Variants in KIF11 observed in about 807,000 individuals in gnomAD.
KIF11 encodes the protein kinesin family member 11, also known as kinesin-like protein KIF11.
KIF11 carries 9 observed loss-of-function variants against 121.0 expected under a neutral mutation model. The observed-to-expected ratio is 0.07, with a 90% confidence interval of 0.04 to 0.13. The LOEUF is 0.13. Ranked by LOEUF, KIF11 falls within the 10% of genes least tolerant of loss-of-function variation. KIF11 has a pLI of 1.00. For synonymous variants in KIF11, 408 were observed against 421.0 expected, an observed-to-expected ratio of 0.97 and a Z score of 0.38; for missense variants, 846 against 1,217.5, an observed-to-expected ratio of 0.69 and a Z score of 4.54.
chr10:92,632,671 A>T lies in KIF11; in HGVS notation c.1680A>T (p.Leu560=). The change falls in exon 13 of 22, where the codon CTA becomes CTT. Residue 560 remains leucine, a synonymous_variant. Transcript: ENST00000260731. The stretch of plus-strand genomic sequence containing the variant: ...GCAGCTCAAAGCAAAAGGCCATGCT[A>T]GAAGTACATAAGACCTTATTTGGTA... ...KDGSSKQKAM[L]EVHKTLFGNL... is the part of the protein sequence containing the mutation. 3 of 1,609,400 alleles carry T rather than the reference A, an allele frequency of 1.9e-6. No individual in the cohort carries two copies. Among genetic ancestry groups the T allele is most frequent in the Non-Finnish European group, 2.5e-6 (3 of 1,177,082 alleles).
intron 13 of KIF11, among the ~76,000 whole-genome samples, chr10:92,633,392 T>C (rs993305357): frequency 2.0e-4 from 31 of 152,124 alleles, no homozygotes; most frequent in African/African-American, 5.3e-4. Flanking sequence ...CTATGAATTA[T>C]AGTTATGGGT....
At chr10:92,600,284 T>G (rs1036228238) in intron 1 of KIF11, among the ~76,000 whole-genome samples, 1 of 152,152 alleles carries the variant, frequency 6.6e-6, no homozygotes, top group Non-Finnish European at 1.5e-5. Context: ...ATTACAGGCG[T>G]GAGCCACTGC....
chr10:92,609,267 A>T (rs575550474), intron 5 of KIF11, 62 bp downstream of exon 5: 55 of 446,012 alleles, frequency 1.2e-4, no homozygotes, highest in African/African-American at 7.6e-4. Context: ...TTGAGAAGTC[A>T]GAGAGAGAGA....
chr10:92,617,673 C>T (rs1171080925), intron 9 of KIF11, among the ~76,000 whole-genome samples: 3 of 151,898 alleles, frequency 2.0e-5, no homozygotes, highest in South Asian at 2.1e-4. Flanking sequence ...TTGTTATGGT[C>T]GGTCTTTTTA....
At chr10:92,614,021 TAC>T (rs71028831) in intron 8 of KIF11, among the ~76,000 whole-genome samples, 19,846 of 126,064 alleles carry the variant, frequency 0.16, 1,694 homozygotes, top group Middle Eastern at 0.24. Context: ...AGTATGTGTA[TAC>T]ACACACACAC....
intron 9 of KIF11, among the ~76,000 whole-genome samples, chr10:92,620,579 T>C (rs1844606396): frequency 6.6e-6 from 1 of 152,192 alleles, no homozygotes; most frequent in South Asian, 2.1e-4. Context: ...AGGGGTATGT[T>C]AGTCTGTTTT....
At chr10:92,596,566 T>C (rs1036522350) in intron 1 of KIF11, among the ~76,000 whole-genome samples, 2 of 151,202 alleles carry the variant, frequency 1.3e-5, no homozygotes, top group Non-Finnish European at 2.9e-5. Flanking sequence ...TAGCCATCCA[T>C]TGGGTGTGAG....
intron 17 of KIF11, among the ~76,000 whole-genome samples, chr10:92,641,689 AC>A (rs1366988395): frequency 6.6e-6 from 1 of 152,156 alleles, no homozygotes; most frequent in African/African-American, 2.4e-5. Flanking sequence ...TATGCCTTTC[AC>A]CAAAACTTGG....
At chr10:92,622,096 A>C (rs925877856) in intron 10 of KIF11, among the ~76,000 whole-genome samples, 1 of 150,934 alleles carries the variant, frequency 6.6e-6, no homozygotes, top group African/African-American at 2.4e-5. Context: ...ACCAACATGG[A>C]GAAACCCCAT....
intron 11 of KIF11, among the ~76,000 whole-genome samples, chr10:92,629,257 C>G (rs1240496530): frequency 6.6e-6 from 1 of 151,126 alleles, no homozygotes; most frequent in Admixed American, 6.6e-5. Context: ...GCTGGGATGA[C>G]AGGCGTGAGC....
chr10:92,651,625 C>T (rs1046396251), intron 21 of KIF11, among the ~76,000 whole-genome samples: 4 of 146,792 alleles, frequency 2.7e-5, no homozygotes, highest in Non-Finnish European at 6.0e-5. Context: ...CCTCGGCCTC[C>T]CGTAGTGCTG....
rs774967595 is a variant in KIF11, at chr10:92,630,180, C to T, written c.1310C>T (p.Thr437Ile). 1 of 1,515,332 alleles carries T rather than the reference C, an allele frequency of 6.6e-7. No individual in the cohort carries two copies. The highest frequency in any genetic ancestry group is 8.9e-7 in the Non-Finnish European group (1 of 1,124,086). 93.9% of individuals were successfully genotyped at this position (1,515,332 alleles called of 1,614,324 possible). A position where few individuals can be genotyped will look rare whatever the true frequency, so the allele number is the denominator to read the frequency against. Residue 437 changes from threonine to isoleucine, a missense_variant, in exon 12 of 22, where the codon ACA becomes ATA. By Grantham distance (89) the Thr-to-Ile change is moderately conservative. This residue lies in a region of KIF11 where 95 missense variants were observed against 109.3 expected (regional missense o/e 0.87). Coordinates refer to ENST00000260731, the MANE Select transcript of KIF11 (RefSeq NM_004523.4). The stretch of plus-strand genomic sequence containing the variant: ...TTTTTAAATTCTTATATTTAGGTTA[C>T]AGAGTTGTTTATGGATAATAAAAAT... ...GAVEEELNRV[T>I]ELFMDNKNEL...
rs1427892206 is a variant in KIF11, at chr10:92,654,696, T to C, written c.*900T>C. The C allele has an allele frequency of 6.6e-6, 1 of 152,238 alleles. No homozygotes were observed. The highest frequency in any genetic ancestry group is 1.5e-5 in the Non-Finnish European group (1 of 68,030). The allele number at this position is 152,238 out of a possible 1,614,324, so 9.4% of individuals were successfully genotyped here. ...TCACTGTCAACAATAAATCTAACCCTAGTTGTATCCCTCCTTTCAGTATTT... is the reference window on the plus strand; with the variant it reads ...TCACTGTCAACAATAAATCTAACCCCAGTTGTATCCCTCCTTTCAGTATTT... On this transcript the variant is annotated 3_prime_UTR_variant, in exon 22 of 22. Coordinates refer to ENST00000260731, the MANE Select transcript of KIF11 (RefSeq NM_004523.4).
At chr10:92,644,110 G>A (rs1844895747) in intron 17 of KIF11, among the ~76,000 whole-genome samples, 4 of 152,216 alleles carry the variant, frequency 2.6e-5, no homozygotes, top group African/African-American at 9.6e-5. Flanking sequence ...ACTTTCTTAA[G>A]GCCCATGCAA....
rs748007128 is a variant in KIF11, at chr10:92,648,246, A to G, written c.2582A>G (p.Asp861Gly). 8 of 1,612,754 alleles carry G rather than the reference A, an allele frequency of 5.0e-6. No homozygotes were observed. Among genetic ancestry groups the G allele is most frequent in the Admixed American group, 1.7e-5 (1 of 59,828 alleles). Residue 861 changes from aspartate to glycine, a missense_variant, in exon 19 of 22, where the codon GAC (aspartate) becomes GGC (glycine). By Grantham distance (94) the Asp-to-Gly change is moderately conservative (BLOSUM62 -1). This residue lies in a region of KIF11 where 492 missense variants were observed against 603.4 expected (regional missense o/e 0.82). Coordinates refer to ENST00000260731, the MANE Select transcript of KIF11 (RefSeq NM_004523.4). ...VSQCCEASSSDITEKSDGRKA... is the reference protein window; with the variant it reads ...VSQCCEASSSGITEKSDGRKA... ...CAATGTTGTGAGGCTTCAAGTTCAG[A>G]CATCACTGAGAAATCAGATGGACGT...
intron 17 of KIF11, 101 bp downstream of exon 17, chr10:92,640,001 A>G (rs1047316668): frequency 4.9e-6 from 3 of 608,060 alleles, no homozygotes; most frequent in African/African-American, 1.9e-5. Context: ...TGTACTTTCA[A>G]ATTTCTCTTT....
intron 4 of KIF11, among the ~76,000 whole-genome samples, chr10:92,608,150 TA>T (rs1319353215): frequency 6.7e-6 from 1 of 148,198 alleles, no homozygotes; most frequent in African/African-American, 2.5e-5. Flanking sequence ...TTTTTTTTTT[TA>T]AATTTTAAAG....
At chr10:92,597,965 C>A (rs1327257489) in intron 1 of KIF11, among the ~76,000 whole-genome samples, 1 of 151,796 alleles carries the variant, frequency 6.6e-6, no homozygotes, top group Non-Finnish European at 1.5e-5. Flanking sequence ...TTTTTTCTCC[C>A]CTTTAAATAT....
chr10:92,625,149 A>G (rs1236134183), intron 10 of KIF11, among the ~76,000 whole-genome samples: 1 of 152,114 alleles, frequency 6.6e-6, no homozygotes, highest in Non-Finnish European at 1.5e-5. Context: ...AGTAGCATAT[A>G]AGCGTTCCCT....
Sources: gnomAD v4.1 joint callset for allele counts (sites outside exome capture counted in the v4.1 genomes callset) on GRCh38, gnomAD v4.1.1 for gene constraint, gnomAD v4.1.1 regional missense constraint, MANE v1.5 for transcripts, NCBI Gene and HGNC (gene_info 2026-07-23, HGNC 2026-07-21) for gene names.